The following TMTC1 variants were observed in gnomAD, a reference collection of about 807,000 sequenced individuals.
TMTC1 encodes protein O-mannosyl-transferase TMTC1.
TMTC1 carries 73 observed loss-of-function variants against 104.8 expected under a neutral mutation model. The observed-to-expected ratio is 0.70, with a 90% CI of 0.58 to 0.85. TMTC1 has a LOEUF of 0.85. TMTC1 is among the 40% of genes least tolerant of loss of function. The pLI is 0.00. For missense variants in TMTC1, 1,035 were observed against 1,096.1 expected (o/e 0.94, Z 0.79); for synonymous variants, 434 against 428.7 (o/e 1.01, Z -0.15).
Position 29,633,106 on chromosome 12 carries a change from G to A in TMTC1, c.1128+41C>T, listed in dbSNP as rs777520444. On this transcript the variant is annotated intron_variant, in intron 6 of 17. Coordinates refer to ENST00000539277, the MANE Select transcript of TMTC1 (RefSeq NM_001193451.2). The stretch of plus-strand genomic sequence containing the variant: ...AGAACATTATAGGCATAGAATATCT[G>A]TCTTCAAATGCAGAGTTCATTCTAC... 5.1e-6 allele frequency: 8 copies of A among 1,559,246 alleles called. 1 individual carries two copies. In the South Asian group the frequency reaches 9.2e-5, roughly 18 times the overall value.
intron 1 of TMTC1, among the ~76,000 whole-genome samples, chr12:29,770,760 A>G (rs1219572528): frequency 3.9e-5 from 6 of 152,176 alleles, no homozygotes; most frequent in Non-Finnish European, 2.9e-5. Flanking sequence ...TGGAGAGTGA[A>G]TTCTCCAAAT....
intron 2 of TMTC1, among the ~76,000 whole-genome samples, chr12:29,760,897 G>A (rs915767219): frequency 6.8e-6 from 1 of 147,202 alleles, no homozygotes; most frequent in African/African-American, 2.5e-5. Flanking sequence ...TTACATATAT[G>A]ATATGCATAT....
At chr12:29,768,483 G>A (rs1260634287) in intron 1 of TMTC1, among the ~76,000 whole-genome samples, 3 of 152,136 alleles carry the variant, frequency 2.0e-5, no homozygotes, top group African/African-American at 4.8e-5. Flanking sequence ...CACATACACC[G>A]GAGATGAACA....
At chr12:29,764,888 T>C (rs773686758) in intron 2 of TMTC1, among the ~76,000 whole-genome samples, 26 of 152,166 alleles carry the variant, frequency 1.7e-4, no homozygotes, top group Non-Finnish European at 3.5e-4. Context: ...CCTTAACCAG[T>C]TCCTGATCAT....
intron 5 of TMTC1, among the ~76,000 whole-genome samples, chr12:29,726,090 A>G (rs888827485): frequency 1.3e-5 from 2 of 152,172 alleles, no homozygotes; most frequent in Non-Finnish European, 2.9e-5. Context: ...ATTTAAAAAC[A>G]TACACCGTGT....
chr12:29,548,837 CTT>C (rs763227464), intron 10 of TMTC1, among the ~76,000 whole-genome samples: 142,354 of 142,420 alleles, frequency 1, 71,144 homozygotes, highest in Middle Eastern at 1. Context: ...GATTATATCA[CTT>C]ATCTAAAATA....
chr12:29,681,061 C>T (rs192091511), intron 5 of TMTC1, among the ~76,000 whole-genome samples: 1,528 of 145,466 alleles, frequency 0.011, 8 homozygotes, highest in Non-Finnish European at 0.018. Context: ...ATTGCACCAC[C>T]GCACACCAGC....
At chr12:29,683,156 T>G (rs1940977656) in intron 5 of TMTC1, among the ~76,000 whole-genome samples, 2 of 152,196 alleles carry the variant, frequency 1.3e-5, no homozygotes, top group South Asian at 4.1e-4. Flanking sequence ...AAACATAGAT[T>G]CAACATCTGC....
Position 29,783,615 on chromosome 12 carries a change from T to C in TMTC1, c.137A>G (p.Gln46Arg). Residue 46 changes from glutamine (Q) to arginine (R), a missense_variant, in exon 1 of 18, where the codon CAG (glutamine) becomes CGG (arginine). Gln to Arg is a conservative substitution (Grantham distance 43). Coordinates refer to ENST00000539277, the MANE Select transcript of TMTC1 (RefSeq NM_001193451.2). The surrounding 1 kb of genome is among the most constrained non-coding windows in gnomAD (Gnocchi z 4.7). ...ASCLCYGRSL[Q>R]GEFVHDDVWA... is the part of the protein sequence containing the mutation. ...CACGTCGTCGTGCACGAACTCGCCC[T>C]GCAGGGAGCGGCCGTAGCACAGGCA... 5 of 1,469,796 alleles carry C rather than the reference T, an allele frequency of 3.4e-6. No homozygotes were observed. Among genetic ancestry groups the C allele is most frequent in the African/African-American group, 1.4e-5 (1 of 69,058 alleles). 91.0% of individuals were successfully genotyped at this position (1,469,796 alleles called of 1,614,324 possible).
intron 5 of TMTC1, among the ~76,000 whole-genome samples, chr12:29,681,231 A>G (rs1189745878): frequency 6.6e-6 from 1 of 152,206 alleles, no homozygotes; most frequent in Non-Finnish European, 1.5e-5. Flanking sequence ...CATTAGTAAG[A>G]ATAAAAACAG....
intron 2 of TMTC1, among the ~76,000 whole-genome samples, chr12:29,762,162 G>A (rs1943366246): frequency 1.3e-5 from 2 of 152,196 alleles, no homozygotes; most frequent in Non-Finnish European, 2.9e-5. Flanking sequence ...CTGGGCGACA[G>A]AGGAAGAACC....
At chr12:29,661,636 A>C (rs1004792552) in intron 5 of TMTC1, among the ~76,000 whole-genome samples, 1 of 145,104 alleles carries the variant, frequency 6.9e-6, no homozygotes, top group African/African-American at 2.6e-5. Flanking sequence ...GCGTTTTGCC[A>C]TGTTGGCCAG....
chr12:29,645,919 T>A (rs1299799078), intron 5 of TMTC1, among the ~76,000 whole-genome samples: 2 of 152,214 alleles, frequency 1.3e-5, no homozygotes, highest in African/African-American at 4.8e-5. Context: ...CTCTATGAAG[T>A]GGGCATTACG....
At chr12:29,733,218 T>C (rs923393763) in intron 5 of TMTC1, among the ~76,000 whole-genome samples, 2 of 152,176 alleles carry the variant, frequency 1.3e-5, no homozygotes, top group Admixed American at 1.3e-4. Context: ...ATTTTGCCCA[T>C]AAGGAAACTG....
chr12:29,593,045 T>C (rs942050355), intron 7 of TMTC1, among the ~76,000 whole-genome samples: 3 of 152,144 alleles, frequency 2.0e-5, no homozygotes, highest in African/African-American at 7.2e-5. Flanking sequence ...AAAAGGGAAC[T>C]GGGAATTCAC....
intron 5 of TMTC1, among the ~76,000 whole-genome samples, chr12:29,713,500 G>T (rs904901144): frequency 6.6e-6 from 1 of 151,842 alleles, no homozygotes; most frequent in Non-Finnish European, 1.5e-5. Flanking sequence ...AAAATATGAG[G>T]TCACTGAGTT....
rs75054905 is a variant in TMTC1 at position 29,650,002 on chromosome 12, T to C, written c.939-16666A>G. On this transcript the variant is annotated intron_variant, in intron 5 of 17. Transcript: ENST00000539277. Reference sequence around the variant, plus strand: ...AGGGCCATCAGGTAGTTGTTATCCATAGGGCTATAAACAAAACTATTCAGT... The same window carrying C: ...AGGGCCATCAGGTAGTTGTTATCCACAGGGCTATAAACAAAACTATTCAGT... 1.0e-2 allele frequency among the ~76,000 whole-genome samples: 1,519 copies of C among 152,288 alleles called. 25 individuals carry two copies. Among genetic ancestry groups the C allele is most frequent in the African/African-American group, 0.035 (1,440 of 41,550 alleles).
At chr12:29,667,078 C>G (rs1387131569) in intron 5 of TMTC1, among the ~76,000 whole-genome samples, 1 of 152,060 alleles carries the variant, frequency 6.6e-6, no homozygotes, top group Non-Finnish European at 1.5e-5. Flanking sequence ...AGAAAAAAAG[C>G]AAAAGCTTAA....
intron 5 of TMTC1, among the ~76,000 whole-genome samples, chr12:29,666,997 T>G (rs1257167729): frequency 6.6e-6 from 1 of 152,244 alleles, no homozygotes; most frequent in South Asian, 2.1e-4. Flanking sequence ...GCAGATTTAC[T>G]GCTTCTCTTT....
Sources: gnomAD v4.1 joint callset for allele counts (sites outside exome capture counted in the v4.1 genomes callset) on GRCh38, gnomAD v4.1.1 for gene constraint, Gnocchi (gnomAD v3.1) non-coding constraint, MANE v1.5 for transcripts, NCBI Gene and HGNC (gene_info 2026-07-23, HGNC 2026-07-21) for gene names.